Variants in ITPK1 observed in about 807,000 individuals in gnomAD.
ITPK1 encodes inositol 1,3,4-trisphosphate 5/6-kinase.
Under a neutral mutation model 45.3 loss-of-function variants are expected in ITPK1, and 21 were observed. The ratio of observed to expected loss-of-function variants is 0.46; its 90% confidence interval spans 0.33 to 0.67. The LOEUF (loss-of-function observed/expected upper bound fraction) is 0.67. ITPK1 is among the 30% of genes least tolerant of loss of function. ITPK1 has a pLI of 0.02. For synonymous variants in ITPK1, 258 were observed against 253.6 expected (o/e 1.02, Z -0.16); for missense variants, 474 against 573.5 (o/e 0.83, Z 1.77).
intron 2 of ITPK1, among the ~76,000 whole-genome samples, chr14:93,092,285 A>G (rs988754411): frequency 6.6e-6 from 1 of 152,208 alleles, no homozygotes; most frequent in African/African-American, 2.4e-5. Flanking sequence ...AGGGTCCCCT[A>G]CAAGGACCAG....
intron 2 of ITPK1, among the ~76,000 whole-genome samples, chr14:93,112,355 C>CA (rs1162781973): frequency 1.3e-5 from 2 of 151,962 alleles, no homozygotes; most frequent in African/African-American, 4.8e-5. Flanking sequence ...CAGATTTTTA[C>CA]AAGGCCGGAC....
intron 4 of ITPK1, among the ~76,000 whole-genome samples, chr14:93,006,798 A>G (rs1160384421): frequency 1.3e-5 from 2 of 152,170 alleles, no homozygotes; most frequent in African/African-American, 4.8e-5. Context: ...AGGAAAGAGA[A>G]CACTATTATT....
intron 3 of ITPK1, among the ~76,000 whole-genome samples, chr14:93,017,036 G>A (rs147213816): frequency 2.0e-5 from 3 of 152,234 alleles, no homozygotes; most frequent in Non-Finnish European, 4.4e-5. Flanking sequence ...CACACCCCAC[G>A]TTTGTAACTT....
At chr14:93,105,687 G>A (rs1199388125) in intron 2 of ITPK1, among the ~76,000 whole-genome samples, 1 of 147,564 alleles carries the variant, frequency 6.8e-6, no homozygotes, top group South Asian at 2.2e-4. Context: ...ACCACGCCTG[G>A]CTAATTTTTG....
intron 3 of ITPK1, among the ~76,000 whole-genome samples, chr14:93,020,879 C>A (rs1454107737): frequency 6.6e-6 from 1 of 152,118 alleles, no homozygotes; most frequent in African/African-American, 2.4e-5. Flanking sequence ...CCAGGCTCTA[C>A]TCTAAGCACT....
chr14:93,007,091 G>A (rs1244271715), intron 4 of ITPK1, among the ~76,000 whole-genome samples: 1 of 152,160 alleles, frequency 6.6e-6, no homozygotes, highest in Non-Finnish European at 1.5e-5. Flanking sequence ...CGGTCATCTG[G>A]CCCACTGTCA....
intron 3 of ITPK1, among the ~76,000 whole-genome samples, chr14:93,074,222 C>T (rs1316954579): frequency 6.6e-6 from 1 of 152,192 alleles, no homozygotes; most frequent in Non-Finnish European, 1.5e-5. Flanking sequence ...AGTTTGGCTT[C>T]GTTCTGGTCC....
At chr14:93,038,603 C>T (rs561958929) in intron 3 of ITPK1, among the ~76,000 whole-genome samples, 1 of 152,210 alleles carries the variant, frequency 6.6e-6, no homozygotes, top group South Asian at 2.1e-4. Context: ...TCTCGGCTCA[C>T]TGCAACCTCC....
At position 93,062,006 on chromosome 14, in the gene ITPK1, C is replaced by T. The variant is rs144524314; in HGVS notation, c.120+14589G>A. On this transcript the variant is annotated intron_variant, in intron 3 of 10. Coordinates refer to ENST00000267615, the MANE Select transcript of ITPK1 (RefSeq NM_014216.6). ...TACAACTATGTCAAGGCTGGTGGCTCGCGCCTGTAATCCCAACACTTTTAG... is the reference window on the plus strand; with the variant it reads ...TACAACTATGTCAAGGCTGGTGGCTTGCGCCTGTAATCCCAACACTTTTAG... 2.8e-3 allele frequency among the ~76,000 whole-genome samples: 433 copies of T among 152,320 alleles called. 1 individual carries two copies. The highest frequency in any genetic ancestry group is 6.8e-3 in the Middle Eastern group (2 of 292).
chr14:92,940,709 C>T lies in ITPK1; in HGVS notation c.*852G>A. On this transcript the variant is annotated 3_prime_UTR_variant, in exon 11 of 11. Transcript: ENST00000267615. ...GGTGCTCTCTGATCTCAAATGTCCA[C>T]TAGAGACAAGGGGGTGGAGGCCCAA... The T allele has an allele frequency of 7.8e-7, 1 of 1,288,354 alleles. No individual in the cohort carries two copies. The highest frequency in any genetic ancestry group is 1.0e-6 in the Non-Finnish European group (1 of 988,344). 79.8% of individuals were successfully genotyped at this position (1,288,354 alleles called of 1,614,324 possible). A position where few individuals can be genotyped will look rare whatever the true frequency, so the allele number is the denominator to read the frequency against.
rs1199828919 is a variant in ITPK1, at chr14:93,019,225, T to G, written c.121-2424A>C. Among the ~76,000 whole-genome samples, 3 of 152,282 alleles carry G rather than the reference T, an allele frequency of 2.0e-5. No homozygotes were observed. In the South Asian group the frequency reaches 6.2e-4, roughly 32 times the overall value. On this transcript the variant is annotated intron_variant, in intron 3 of 10. Coordinates refer to ENST00000267615, the MANE Select transcript of ITPK1 (RefSeq NM_014216.6). ...CGCATCCGGGCCCACAGAACCCCCA[T>G]GCCCACCAGCACCCACATCTCCAGA...
rs1403958455 is a variant in ITPK1 at position 93,034,778 on chromosome 14, C to G, written c.121-17977G>C. Among the ~76,000 whole-genome samples the G allele has an allele frequency of 6.6e-6, 1 of 152,272 alleles. No homozygotes were observed. Among genetic ancestry groups the G allele is most frequent in the Non-Finnish European group, 1.5e-5 (1 of 68,036 alleles). On this transcript the variant is annotated intron_variant, in intron 3 of 10. Coordinates refer to ENST00000267615, the MANE Select transcript of ITPK1 (RefSeq NM_014216.6). The surrounding 1 kb of genome is among the most constrained non-coding windows in gnomAD (Gnocchi z 4.1). ...GCGGAGAAGGCTGGCATGGCCCCAG[C>G]ACACACGGGCAGTGGGCAGTGGGCA...
intron 5 of ITPK1, among the ~76,000 whole-genome samples, chr14:92,992,540 C>A (rs571620749): frequency 6.6e-6 from 1 of 152,362 alleles, no homozygotes; most frequent in South Asian, 2.1e-4. Flanking sequence ...AGCGGTGTGT[C>A]AGGCATTCAG....
chr14:93,075,946 G>A (rs1282051680), intron 3 of ITPK1, among the ~76,000 whole-genome samples: 1 of 152,162 alleles, frequency 6.6e-6, no homozygotes, highest in African/African-American at 2.4e-5. Context: ...TTAGGTGCCA[G>A]GTACAGCCTT....
At chr14:93,083,897 G>C (rs1320125205) in intron 2 of ITPK1, among the ~76,000 whole-genome samples, 1 of 152,142 alleles carries the variant, frequency 6.6e-6, no homozygotes, top group Non-Finnish European at 1.5e-5. Flanking sequence ...AGAGAGAAAG[G>C]CTGCTGGACT....
At position 92,941,021 on chromosome 14, in the gene ITPK1, G is replaced by A. The variant is rs1434169277; in HGVS notation, c.*540C>T. ...GGCTGTGGGGAGGGAGGGGTTAGCT[G>A]CACACCAGGCAGGGTGGGGGCTAAC... On this transcript the variant is annotated 3_prime_UTR_variant, in exon 11 of 11. Transcript: ENST00000267615. The A allele has an allele frequency of 3.8e-5, 48 of 1,249,656 alleles. No individual in the cohort carries two copies. The highest frequency in any genetic ancestry group is 4.4e-5 in the Non-Finnish European group (43 of 968,704). 77.4% of individuals were successfully genotyped at this position (1,249,656 alleles called of 1,614,324 possible).
At chr14:93,113,870 G>C (rs754725527) in intron 2 of ITPK1, among the ~76,000 whole-genome samples, 15 of 152,254 alleles carry the variant, frequency 9.9e-5, no homozygotes, top group South Asian at 2.1e-4. Flanking sequence ...GCTGCAGGAA[G>C]AGCGCCTGCG....
chr14:93,024,023 G>T (rs1166988426), intron 3 of ITPK1, among the ~76,000 whole-genome samples: 1 of 152,126 alleles, frequency 6.6e-6, no homozygotes, highest in Non-Finnish European at 1.5e-5. Context: ...GTCCTGGGGG[G>T]AAAGTACGAA....
At chr14:92,959,093 G>A (rs1003667506) in intron 7 of ITPK1, among the ~76,000 whole-genome samples, 2 of 152,198 alleles carry the variant, frequency 1.3e-5, no homozygotes, top group African/African-American at 4.8e-5. Context: ...CGACTCCTCT[G>A]GGGAAAAAGG....
Sources: allele counts gnomAD v4.1 joint callset (sites outside exome capture counted in the v4.1 genomes callset), GRCh38; gene constraint gnomAD v4.1.1; non-coding constraint Gnocchi (gnomAD v3.1); transcripts MANE v1.5; gene names NCBI Gene and HGNC (gene_info 2026-07-23, HGNC 2026-07-21).